OPCML: variants seen among roughly 807,000 people sequenced by gnomAD.
OPCML encodes the protein opioid binding protein/cell adhesion molecule like.
OPCML carries 13 observed loss-of-function variants against 37.8 expected under a neutral mutation model. The ratio of observed to expected loss-of-function variants is 0.34; its 90% confidence interval spans 0.22 to 0.55. The LOEUF (loss-of-function observed/expected upper bound fraction) is 0.55. Ranked by LOEUF, OPCML falls within the 20% of genes least tolerant of loss-of-function variation. The pLI is 0.91. For synonymous variants in OPCML, 176 were observed against 168.8 expected (o/e 1.04, Z -0.33); for missense variants, 341 against 435.6 (o/e 0.78, Z 1.93).
At chr11:132,808,408 T>G (rs1280350682) in intron 2 of OPCML, among the ~76,000 whole-genome samples, 1 of 152,228 alleles carries the variant, frequency 6.6e-6, no homozygotes, top group Non-Finnish European at 1.5e-5. Flanking sequence ...AAGAAAGCAT[T>G]ACTGGTCAGG....
At chr11:133,229,548 T>C (rs539201459) in intron 1 of OPCML, among the ~76,000 whole-genome samples, 31 of 152,156 alleles carry the variant, frequency 2.0e-4, no homozygotes, top group Admixed American at 2.0e-3. Context: ...GGGCTCCCAA[T>C]GCATCCCACC....
intron 1 of OPCML, among the ~76,000 whole-genome samples, chr11:133,477,559 T>A (rs1327007720): frequency 3.3e-5 from 5 of 151,920 alleles, no homozygotes; most frequent in Non-Finnish European, 7.4e-5. Context: ...TTGATGCGGG[T>A]TTTTTTTCTT....
At chr11:132,907,706 C>CA (rs1288762811) in intron 2 of OPCML, among the ~76,000 whole-genome samples, 1 of 152,128 alleles carries the variant, frequency 6.6e-6, no homozygotes, top group East Asian at 1.9e-4. Flanking sequence ...ATGATCCCTT[C>CA]AAATGACCTT....
chr11:132,660,148 CT>C (rs897716750), intron 2 of OPCML, among the ~76,000 whole-genome samples: 10 of 152,080 alleles, frequency 6.6e-5, no homozygotes, highest in Non-Finnish European at 1.2e-4. Context: ...GGATAGGCCC[CT>C]TTTTTTAAAT....
intron 1 of OPCML, among the ~76,000 whole-genome samples, chr11:133,517,529 C>A (rs539004024): frequency 6.6e-6 from 1 of 152,192 alleles, no homozygotes; most frequent in African/African-American, 2.4e-5. Context: ...GGCAACTCCC[C>A]CATACTTACC....
intron 1 of OPCML, among the ~76,000 whole-genome samples, chr11:133,322,678 C>A (rs1476119072): frequency 6.6e-6 from 1 of 152,152 alleles, no homozygotes; most frequent in Non-Finnish European, 1.5e-5. Context: ...ACCAATGACC[C>A]AATTGTTAAA....
At chr11:132,605,173 C>T (rs1938197043) in intron 3 of OPCML, among the ~76,000 whole-genome samples, 1 of 152,180 alleles carries the variant, frequency 6.6e-6, no homozygotes, top group South Asian at 2.1e-4. Context: ...ATCACAGAAG[C>T]ATTGCATGGG....
At chr11:133,203,484 A>T (rs542843) in intron 1 of OPCML, among the ~76,000 whole-genome samples, 103,712 of 152,108 alleles carry the variant, frequency 0.68, 37,195 homozygotes, top group African/African-American at 0.88. Context: ...GAGGAGGTGG[A>T]AGTCAGTGTT....
chr11:132,498,705 A>G (rs1485122065), intron 4 of OPCML, among the ~76,000 whole-genome samples: 2 of 143,378 alleles, frequency 1.4e-5, no homozygotes, highest in Non-Finnish European at 2.9e-5. Context: ...GCTCTTAGGC[A>G]TATAGGATCC....
At chr11:132,671,040 TTCCTTGATTCA>T (rs1450036116) in intron 2 of OPCML, among the ~76,000 whole-genome samples, 2 of 152,168 alleles carry the variant, frequency 1.3e-5, no homozygotes, top group African/African-American at 4.8e-5. Context: ...GCCAGTAGCT[TTCCTTGATTCA>T]TCCTGTGCCA....
At chr11:133,295,683 G>T (rs531557893) in intron 1 of OPCML, among the ~76,000 whole-genome samples, 2 of 152,194 alleles carry the variant, frequency 1.3e-5, no homozygotes, top group Admixed American at 1.3e-4. Context: ...GGTTGGCTTG[G>T]GTTATTTCAT....
intron 1 of OPCML, among the ~76,000 whole-genome samples, chr11:133,375,871 C>A: frequency 6.6e-6 from 1 of 152,130 alleles, no homozygotes; most frequent in East Asian, 1.9e-4. Context: ...CACTGGATTT[C>A]AATGAATTTG....
At chr11:133,201,552 G>A (rs957362436) in intron 1 of OPCML, among the ~76,000 whole-genome samples, 2 of 152,248 alleles carry the variant, frequency 1.3e-5, no homozygotes, top group African/African-American at 4.8e-5. Context: ...AGTGGCATGA[G>A]AGCAAGAGGC....
At chr11:132,632,914 C>T (rs1174078722) in intron 3 of OPCML, among the ~76,000 whole-genome samples, 3 of 150,204 alleles carry the variant, frequency 2.0e-5, no homozygotes, top group Admixed American at 6.6e-5. Context: ...GTACATCTAC[C>T]GAATACCTAA....
chr11:132,824,258 T>C (rs1410890467), intron 2 of OPCML, among the ~76,000 whole-genome samples: 1 of 152,216 alleles, frequency 6.6e-6, no homozygotes, highest in Non-Finnish European at 1.5e-5. Flanking sequence ...ATTGAAGCCA[T>C]TCCAGACAAA....
chr11:133,008,378 A>G (rs1947152510), intron 1 of OPCML: 2 of 985,264 alleles, frequency 2.0e-6, no homozygotes, highest in Middle Eastern at 5.2e-4. Flanking sequence ...TCAGAGCACA[A>G]TTTCAGAGGA....
rs200084849 is a variant in OPCML, at chr11:132,843,714, CAGA to C, written c.146+99209_146+99211del. Among the ~76,000 whole-genome samples, 11 of 152,174 alleles carry C rather than the reference CAGA, an allele frequency of 7.2e-5. No homozygotes were observed. In the East Asian group the frequency reaches 2.1e-3, roughly 29 times the overall value. On this transcript the variant is annotated intron_variant, in intron 2 of 7. Coordinates refer to ENST00000524381, the MANE Select transcript of OPCML (RefSeq NM_001012393.5). ...CTCATCACTGTTATTGAGATTGTGG[CAGA>C]AGGTCTGTATGTGTTAGAAAAATCT... is the stretch of plus-strand genomic sequence containing the variant.
intron 1 of OPCML, among the ~76,000 whole-genome samples, chr11:133,402,161 G>A (rs1945417381): frequency 6.6e-6 from 1 of 152,136 alleles, no homozygotes; most frequent in Non-Finnish European, 1.5e-5. Context: ...CATGCATTTG[G>A]TGAGGGTCTT....
At chr11:133,305,422 A>T (rs997928626) in intron 1 of OPCML, among the ~76,000 whole-genome samples, 4 of 152,202 alleles carry the variant, frequency 2.6e-5, no homozygotes, top group Non-Finnish European at 5.9e-5. Flanking sequence ...TTCAGCTAAG[A>T]ACACAGAGAA....
Sources: allele counts gnomAD v4.1 joint callset (sites outside exome capture counted in the v4.1 genomes callset), GRCh38; gene constraint gnomAD v4.1.1; transcripts MANE v1.5; gene names NCBI Gene and HGNC (gene_info 2026-07-23, HGNC 2026-07-21).